Variants in PDLIM7 observed in about 807,000 individuals in gnomAD.
PDLIM7 encodes PDZ and LIM domain protein 7.
PDLIM7 carries 37 observed loss-of-function variants against 53.9 expected under a neutral mutation model. The observed-to-expected ratio is 0.69, with a 90% CI of 0.53 to 0.90. The LOEUF is 0.90. PDLIM7 is among the 40% of genes least tolerant of loss of function. The pLI, the probability that PDLIM7 is intolerant of heterozygous loss-of-function variation, is 0.00. For synonymous variants in PDLIM7, 300 were observed against 261.3 expected (o/e 1.15, Z -1.43); for missense variants, 617 against 638.5 (o/e 0.97, Z 0.36).
At chr5:177,492,029 CACCCCCACCCCACCCCCT>C (rs1758823062) in intron 4 of PDLIM7, 104 bp from the exon 5 acceptor site, 1 of 467,576 alleles carries the variant, frequency 2.1e-6, no homozygotes, top group African/African-American at 2.0e-5. Context: ...TCCAGCCCCC[CACCCCCACCCCACCCCCT>C]ACATCTATTT....
chr5:177,489,543 CTCGT>C lies in PDLIM7; in HGVS notation c.715_718del (p.Thr239AlafsTer4). On this transcript the variant is annotated frameshift_variant, in exon 9 of 13. Transcript: ENST00000355841. LOFTEE classifies it high-confidence loss of function. ...CTGGCTGTGCCGGGTCAGCACTGTG[CTCGT>C]TTTGTCCGGGGCATAGCGCTCGGCA... 6.2e-7 allele frequency: 1 copy of C among 1,610,582 alleles called. No individual in the cohort carries two copies. The highest frequency in any genetic ancestry group is 1.7e-4 in the Middle Eastern group (1 of 6,056).
rs1758856777 is a variant in PDLIM7, at chr5:177,492,576, A to G, written c.198T>C (p.Ala66=). ...ENAGSLTHIE[A]QNKIRACGER... ...CCCCGCAGGCCCGGATCTTGTTCTG[A>G]GCTTCGATGTGTGTGAGGCTACCCG... The change falls in exon 3 of 13, where the codon GCT becomes GCC. Residue 66 remains alanine, a synonymous_variant. Coordinates refer to ENST00000355841, the MANE Select transcript of PDLIM7 (RefSeq NM_005451.5). The G allele has an allele frequency of 1.2e-6, 2 of 1,613,532 alleles. No individual in the cohort carries two copies. Among genetic ancestry groups the G allele is most frequent in the Non-Finnish European group, 8.5e-7 (1 of 1,179,846 alleles).
intron 7 of PDLIM7, 28 bp from the exon 8 acceptor site, chr5:177,489,860 C>T (rs1474220732): frequency 7.7e-6 from 12 of 1,567,838 alleles, no homozygotes; most frequent in African/African-American, 1.4e-5. Flanking sequence ...CAAGGCCCTG[C>T]ATGGCTGAGC....
intron 4 of PDLIM7, 99 bp from the exon 5 acceptor site, chr5:177,492,024 C>T: frequency 2.1e-6 from 1 of 472,046 alleles, no homozygotes; most frequent in Non-Finnish European, 3.5e-6. Flanking sequence ...GCAGCTCCAG[C>T]CCCCCACCCC....
chr5:177,487,496 A>G (rs1758523972), intron 10 of PDLIM7, among the ~76,000 whole-genome samples: 1 of 152,250 alleles, frequency 6.6e-6, no homozygotes, highest in South Asian at 2.1e-4. Flanking sequence ...ATCTTGCACC[A>G]TGAGTGGTAA....
rs75241042 is a variant in PDLIM7, at chr5:177,486,374, C to T, written c.1050+1694G>A. Among the ~76,000 whole-genome samples, 486 of 152,292 alleles carry T rather than the reference C, an allele frequency of 3.2e-3. 2 individuals carry two copies. Among genetic ancestry groups the T allele is most frequent in the African/African-American group, 0.011 (459 of 41,542 alleles). ...CCCCATCTTACATCTACCTTGCAAC[C>T]GTGCCGGCCCTAGCATAGTGCCACC... On this transcript the variant is annotated intron_variant, in intron 10 of 12. Transcript: ENST00000355841.
chr5:177,490,357 GC>G, intron 7 of PDLIM7: 1 of 1,458,150 alleles, frequency 6.9e-7, no homozygotes, highest in Non-Finnish European at 9.0e-7. Flanking sequence ...GGCGGCCAGG[GC>G]CAGGCCAGCA....
At chr5:177,489,897 C>T (rs1758659785) in intron 7 of PDLIM7, 65 bp from the exon 8 acceptor site, 1 of 1,543,448 alleles carries the variant, frequency 6.5e-7, no homozygotes, top group Admixed American at 2.0e-5. Context: ...ACCCCCCAAC[C>T]TGGGTCCTGC....
chr5:177,493,157 G>A (rs984951986), intron 2 of PDLIM7, among the ~76,000 whole-genome samples: 2 of 152,140 alleles, frequency 1.3e-5, no homozygotes, highest in South Asian at 4.1e-4. Flanking sequence ...GAAACCACCG[G>A]GGGCTCTTAT....
At chr5:177,487,829 T>G in intron 10 of PDLIM7, 1 of 380,708 alleles carries the variant, frequency 2.6e-6, no homozygotes, top group Non-Finnish European at 4.7e-6. Flanking sequence ...GGCCCAGGGC[T>G]TCTCCTGGCT....
Position 177,483,459 on chromosome 5 carries a change from G to A in PDLIM7, c.*185C>T, listed in dbSNP as rs1035852337. 1.0e-5 allele frequency: 6 copies of A among 583,168 alleles called. No homozygotes were observed. The highest frequency in any genetic ancestry group is 1.5e-5 in the Non-Finnish European group (5 of 326,466). 36.1% of individuals were successfully genotyped at this position (583,168 alleles called of 1,614,324 possible). A position where few individuals can be genotyped will look rare whatever the true frequency, so the allele number is the denominator to read the frequency against. ...GGGGGCTGGTGTGGCCAGCACCGGT[G>A]TGCTGTGGTGGTGGAGGGAGTGGGG... On this transcript the variant is annotated 3_prime_UTR_variant, in exon 13 of 13. Transcript: ENST00000355841.
intron 3 of PDLIM7, 40 bp from the exon 4 acceptor site, chr5:177,492,475 A>T: frequency 6.2e-7 from 1 of 1,613,556 alleles, no homozygotes; most frequent in Non-Finnish European, 8.5e-7. Context: ...CCGGGCCCGC[A>T]GGGATCCCCA....
rs545857847 is a variant in PDLIM7, at chr5:177,488,210, G to A, written c.908C>T (p.Pro303Leu). 1.9e-5 allele frequency: 31 copies of A among 1,611,778 alleles called. No individual in the cohort carries two copies. The highest frequency in any genetic ancestry group is 1.6e-4 in the Middle Eastern group (1 of 6,070). Residue 303 changes from proline to leucine, a missense_variant, in exon 10 of 13, where the codon CCG (proline) becomes CTG (leucine). Coordinates refer to ENST00000355841, the MANE Select transcript of PDLIM7 (RefSeq NM_005451.5). The part of the protein sequence containing the change: ...YLVALGHAYH[P>L]EEFVCSQCGK... The stretch of plus-strand genomic sequence containing the variant: ...ACACTGGCTACACACAAACTCCTCC[G>A]GGTGGTACGCGTGGCCCAGCGCCAC...
At chr5:177,490,347 G>A (rs1758684791) in intron 7 of PDLIM7, 37 of 1,452,180 alleles carry the variant, frequency 2.5e-5, no homozygotes, top group Non-Finnish European at 3.2e-5. Flanking sequence ...AACCCAGGTG[G>A]GCGGCCAGGG....
intron 5 of PDLIM7, 64 bp from the exon 6 acceptor site, chr5:177,491,210 G>A: frequency 6.5e-7 from 1 of 1,539,410 alleles, no homozygotes; most frequent in Non-Finnish European, 8.8e-7. Flanking sequence ...GCCCCTCCCA[G>A]GATTTGGTGC....
chr5:177,489,937 G>A (rs1758661859), intron 7 of PDLIM7, 105 bp from the exon 8 acceptor site: 2 of 1,537,782 alleles, frequency 1.3e-6, no homozygotes, highest in South Asian at 1.2e-5. Context: ...TGGGGGCGTG[G>A]AAACTGCCGA....
intron 2 of PDLIM7, among the ~76,000 whole-genome samples, chr5:177,494,501 A>T (rs1758965225): frequency 7.4e-6 from 1 of 134,256 alleles, no homozygotes; most frequent in Admixed American, 8.1e-5. Flanking sequence ...GGCTCCTGGG[A>T]GCTGTGGGCT....
At chr5:177,491,389 G>A (rs980130644) in intron 5 of PDLIM7, 2 of 1,551,960 alleles carry the variant, frequency 1.3e-6, no homozygotes, top group East Asian at 2.4e-5. Flanking sequence ...CACAGGCAGA[G>A]GGGGGCTCAC....
In PDLIM7 at chr5:177,484,209, C is replaced by A; in HGVS notation, c.1051-19G>T. 1 of 1,611,380 alleles carries A rather than the reference C, an allele frequency of 6.2e-7. No individual in the cohort carries two copies. The highest frequency in any genetic ancestry group is 1.1e-5 in the South Asian group (1 of 90,960). On this transcript the variant is annotated intron_variant, in intron 10 of 12. Transcript: ENST00000355841. ...TGATCTCCTGGAAGGAGGTCCCAGT[C>A]ACTCGGCAGGCTCAGGCCCCTCCTG...
Sources: allele counts gnomAD v4.1 joint callset (sites outside exome capture counted in the v4.1 genomes callset), GRCh38; gene constraint gnomAD v4.1.1; transcripts MANE v1.5; gene names NCBI Gene and HGNC (gene_info 2026-07-23, HGNC 2026-07-21).